The following CHRM3 variants were observed in gnomAD, a reference collection of about 807,000 sequenced individuals.
The protein encoded by CHRM3 is cholinergic receptor muscarinic 3, also known as muscarinic acetylcholine receptor M3.
CHRM3 carries 11 observed loss-of-function variants against 41.8 expected under a neutral mutation model. That is an observed-to-expected ratio of 0.26 (90% CI 0.17 to 0.44). CHRM3 has a LOEUF of 0.44. Ranked by LOEUF, CHRM3 falls within the 20% of genes least tolerant of loss-of-function variation. The pLI, the probability that CHRM3 is intolerant of heterozygous loss-of-function variation, is 1.00. For missense variants in CHRM3, 571 were observed against 745.4 expected, an observed-to-expected ratio of 0.77 and a Z score of 2.72; for synonymous variants, 297 against 301.4, an observed-to-expected ratio of 0.99 and a Z score of 0.15.
intron 6 of CHRM3, among the ~76,000 whole-genome samples, chr1:239,881,955 G>A (rs1677675650): frequency 6.6e-6 from 1 of 152,098 alleles, no homozygotes; most frequent in Non-Finnish European, 1.5e-5. Context: ...GCCCAGGCTG[G>A]AGTGCAGTGG....
At chr1:239,692,319 G>A (rs909238564) in intron 5 of CHRM3, among the ~76,000 whole-genome samples, 1 of 152,116 alleles carries the variant, frequency 6.6e-6, no homozygotes, top group Non-Finnish European at 1.5e-5. Flanking sequence ...TCAACACATT[G>A]GAGTTTAAAT....
At chr1:239,878,339 C>T (rs555802820) in intron 6 of CHRM3, among the ~76,000 whole-genome samples, 1 of 152,192 alleles carries the variant, frequency 6.6e-6, no homozygotes, top group Admixed American at 6.5e-5. Flanking sequence ...AAGCTAGATC[C>T]TTCGCAAATG....
At chr1:239,785,464 C>T (rs1168464346) in intron 5 of CHRM3, among the ~76,000 whole-genome samples, 2 of 152,104 alleles carry the variant, frequency 1.3e-5, no homozygotes, top group African/African-American at 4.8e-5. Flanking sequence ...ATTGTGTAAA[C>T]CCTTCGCTTT....
At chr1:239,479,894 C>A (rs910150994) in intron 1 of CHRM3, among the ~76,000 whole-genome samples, 4 of 152,152 alleles carry the variant, frequency 2.6e-5, no homozygotes, top group African/African-American at 9.7e-5. Context: ...TTACTGTACA[C>A]TACTGTAGAC....
intron 3 of CHRM3, among the ~76,000 whole-genome samples, chr1:239,608,179 T>G (rs1393275473): frequency 6.6e-6 from 1 of 152,238 alleles, no homozygotes; most frequent in African/African-American, 2.4e-5. Flanking sequence ...AGTTACATTT[T>G]AAAGTTTATG....
At chr1:239,636,608 T>C (rs2148895462) in intron 4 of CHRM3, among the ~76,000 whole-genome samples, 1 of 152,326 alleles carries the variant, frequency 6.6e-6, no homozygotes, top group East Asian at 1.9e-4. Flanking sequence ...CATTCTGATT[T>C]CTGTCACATT....
chr1:239,404,408 GAAAAAGAAAGAA>G lies in CHRM3; in HGVS notation c.-521+17183_-521+17194del, dbSNP rs1558195686. 3.7e-3 allele frequency among the ~76,000 whole-genome samples: 143 copies of G among 38,810 alleles called. 2 individuals are homozygous for G. Among genetic ancestry groups the G allele is most frequent in the East Asian group, 0.012 (18 of 1,530 alleles). 25.5% of individuals were successfully genotyped at this position (38,810 alleles called of 152,430 possible). A position where few individuals can be genotyped will look rare whatever the true frequency, so the allele number is the denominator to read the frequency against. ...AGAAAGAAAGAAAGAAAGAAAGAAA[GAAAAAGAAAGAA>G]AGAAAGAAAGAAAGAAAGAAAGAAA... On this transcript the variant is annotated intron_variant, in intron 1 of 6. Coordinates refer to ENST00000676153, the MANE Select transcript of CHRM3 (RefSeq NM_001375978.1).
chr1:239,891,437 C>T (rs1678541143), intron 6 of CHRM3, among the ~76,000 whole-genome samples: 1 of 152,120 alleles, frequency 6.6e-6, no homozygotes, highest in African/African-American at 2.4e-5. Context: ...GAAAGGAGAG[C>T]TTTATTTCCC....
At chr1:239,564,749 C>T in intron 3 of CHRM3, among the ~76,000 whole-genome samples, 1 of 152,140 alleles carries the variant, frequency 6.6e-6, no homozygotes, top group East Asian at 1.9e-4. Flanking sequence ...TGTGAAAACA[C>T]TTTTAAGGGT....
intron 3 of CHRM3, among the ~76,000 whole-genome samples, chr1:239,572,861 A>C (rs781267525): frequency 2.0e-5 from 3 of 152,232 alleles, no homozygotes; most frequent in African/African-American, 7.2e-5. Flanking sequence ...CTTCAGAGCA[A>C]AGAGAGAACT....
At chr1:239,439,442 C>A (rs1663532452) in intron 1 of CHRM3, among the ~76,000 whole-genome samples, 1 of 152,028 alleles carries the variant, frequency 6.6e-6, no homozygotes, top group Non-Finnish European at 1.5e-5. Context: ...CAATGAGGGG[C>A]TGGAGTCAGG....
chr1:239,737,556 G>A (rs1204939949), intron 5 of CHRM3, among the ~76,000 whole-genome samples: 2 of 152,124 alleles, frequency 1.3e-5, no homozygotes, highest in African/African-American at 4.8e-5. Context: ...GACCTCACTT[G>A]CTTTTACAAC....
At chr1:239,818,558 G>A (rs1004491608) in intron 5 of CHRM3, among the ~76,000 whole-genome samples, 1 of 152,166 alleles carries the variant, frequency 6.6e-6, no homozygotes, top group Non-Finnish European at 1.5e-5. Context: ...CCGTAGCCCT[G>A]CTTCTCACAC....
rs182711979 is a variant in CHRM3, at chr1:239,593,886, G to A, written c.-312-38338G>A. On this transcript the variant is annotated intron_variant, in intron 3 of 6. Transcript: ENST00000676153. The stretch of plus-strand genomic sequence containing the variant: ...TTAAACCCTGATGTTCAAATCCACC[G>A]ATAAGCAAGTTCATCATTTACTGTG... Among the ~76,000 whole-genome samples, 12 of 152,170 alleles carry A rather than the reference G, an allele frequency of 7.9e-5. No individual in the cohort carries two copies. In the East Asian group the frequency reaches 1.2e-3, roughly 15 times the overall value.
chr1:239,534,178 A>C (rs988350083), intron 2 of CHRM3, among the ~76,000 whole-genome samples: 9 of 152,122 alleles, frequency 5.9e-5, no homozygotes, highest in African/African-American at 2.2e-4. Context: ...AAATACAAAA[A>C]TTAGCCAGGC....
chr1:239,562,880 T>G (rs1027929062), intron 3 of CHRM3, among the ~76,000 whole-genome samples: 3 of 138,256 alleles, frequency 2.2e-5, no homozygotes, highest in African/African-American at 5.5e-5. Context: ...AGAGTGAAAC[T>G]CTGTCTCCAA....
At chr1:239,771,047 T>C (rs1374985816) in intron 5 of CHRM3, among the ~76,000 whole-genome samples, 2 of 151,072 alleles carry the variant, frequency 1.3e-5, no homozygotes, top group African/African-American at 4.9e-5. Context: ...AAGATCATCC[T>C]ACTGCACTCC....
chr1:239,515,630 A>G (rs1669218399), intron 2 of CHRM3, among the ~76,000 whole-genome samples: 1 of 152,286 alleles, frequency 6.6e-6, no homozygotes, highest in East Asian at 1.9e-4. Flanking sequence ...CACACAAACA[A>G]TTATTGTGAG....
Position 239,914,667 on chromosome 1 carries a change from G to C in CHRM3, c.*5443G>C, listed in dbSNP as rs1374429797. 1 of 166,964 alleles carries C rather than the reference G, an allele frequency of 6.0e-6. No homozygotes were observed. The highest frequency in any genetic ancestry group is 2.4e-5 in the African/African-American group (1 of 41,408). The allele number at this position is 166,964 out of a possible 1,614,324, so 10.3% of individuals were successfully genotyped here. A position where few individuals can be genotyped will look rare whatever the true frequency, so the allele number is the denominator to read the frequency against. ...ATTCATGGAAGGGATAATTCTTTTGGAACAGGCTTCTCGGTTACTTGCCTT... is the reference window on the plus strand; with the variant it reads ...ATTCATGGAAGGGATAATTCTTTTGCAACAGGCTTCTCGGTTACTTGCCTT... On this transcript the variant is annotated 3_prime_UTR_variant, in exon 7 of 7. Transcript: ENST00000676153.
Sources: allele counts gnomAD v4.1 joint callset (sites outside exome capture counted in the v4.1 genomes callset), GRCh38; gene constraint gnomAD v4.1.1; transcripts MANE v1.5; gene names NCBI Gene and HGNC (gene_info 2026-07-23, HGNC 2026-07-21).